ARFGAP2: variants seen among roughly 807,000 people sequenced by gnomAD.
ARFGAP2 encodes ADP-ribosylation factor GTPase-activating protein 2.
In ARFGAP2, 45 loss-of-function variants were observed where a neutral mutation model predicts 71.9. The ratio of observed to expected loss-of-function variants is 0.63; its 90% CI spans 0.49 to 0.80. ARFGAP2 has a LOEUF of 0.80. ARFGAP2 is among the 30% of genes least tolerant of loss of function. ARFGAP2 has a pLI of 0.00. For missense variants in ARFGAP2, 633 were observed against 673.9 expected, an observed-to-expected ratio of 0.94 and a Z score of 0.67; for synonymous variants, 248 against 249.2, an observed-to-expected ratio of 1.00 and a Z score of 0.05.
chr11:47,165,519 A>T lies in ARFGAP2; in HGVS notation c.1546-17T>A. On this transcript the variant is annotated splice_polypyrimidine_tract_variant and intron_variant, in intron 15 of 15. Transcript: ENST00000524782. ...GTAGCGATCCTGGGGGCGAGGGGGG[A>T]GAAAAAAAAAAAAAAAGTCAGAGGC... The T allele has an allele frequency of 6.7e-7, 1 of 1,499,500 alleles. No homozygotes were observed. The allele number at this position is 1,499,500 out of a possible 1,614,324, so 92.9% of individuals were successfully genotyped here. A position where few individuals can be genotyped will look rare whatever the true frequency, so the allele number is the denominator to read the frequency against.
chr11:47,170,837 T>G (rs903643075), intron 10 of ARFGAP2, among the ~76,000 whole-genome samples: 3 of 151,880 alleles, frequency 2.0e-5, no homozygotes, highest in Admixed American at 6.6e-5. Context: ...TCCCAGCTAT[T>G]TGGGAGGCTG....
At chr11:47,173,344 G>T in intron 7 of ARFGAP2, 82 bp downstream of exon 7, 1 of 1,483,462 alleles carries the variant, frequency 6.7e-7, no homozygotes, top group Non-Finnish European at 9.2e-7. Context: ...TGTCCACACG[G>T]CCAGGCAGTA....
intron 10 of ARFGAP2, among the ~76,000 whole-genome samples, chr11:47,170,891 A>G (rs1216001809): frequency 1.3e-5 from 2 of 152,128 alleles, no homozygotes; most frequent in African/African-American, 4.8e-5. Flanking sequence ...GGTTGCAGTG[A>G]GCTGAGATCA....
chr11:47,166,513 G>A lies in ARFGAP2; in HGVS notation c.1419C>T (p.His473=), dbSNP rs190715442. ...SDLFGDMDGA[H]GAGSVSLGNV... ...ACCCCACCAGGGCCCTACCTGCTCC[G>A]TGAGCTCCATCCATGTCCCCAAAGA... The change falls in exon 14 of 16, where the codon CAC becomes CAT. Residue 473 remains histidine (H), a synonymous_variant. Transcript: ENST00000524782. 76 of 1,612,750 alleles carry A rather than the reference G, an allele frequency of 4.7e-5. No homozygotes were observed. The highest frequency in any genetic ancestry group is 8.3e-5 in the Admixed American group (5 of 60,020).
At chr11:47,176,079 A>T in intron 2 of ARFGAP2, 156 bp from the exon 3 acceptor site, 1 of 676,452 alleles carries the variant, frequency 1.5e-6, no homozygotes, top group South Asian at 1.8e-5. Context: ...GTCCATGAAA[A>T]CTCTCCTCTT....
Position 47,166,876 on chromosome 11 carries a change from G to T in ARFGAP2, c.1216C>A (p.Arg406=). The T allele has an allele frequency of 6.2e-7, 1 of 1,613,548 alleles. No individual in the cohort carries two copies. Among genetic ancestry groups the T allele is most frequent in the Admixed American group, 1.7e-5 (1 of 60,002 alleles). Residue 406 remains arginine, a synonymous_variant, in exon 13 of 16, where the codon CGG becomes AGG. Coordinates refer to ENST00000524782, the MANE Select transcript of ARFGAP2 (RefSeq NM_032389.6). ...GAGCTCCGGCTCTCCACTTCCCTCC[G>T]GTTTGTGGCTCTGAGGGGAAGATGT... The part of the protein sequence containing the change: ...IRPISERATN[R]REVESRSSGL...
intron 2 of ARFGAP2, 129 bp from the exon 3 acceptor site, chr11:47,176,052 T>C: frequency 1.2e-6 from 1 of 823,766 alleles, no homozygotes; most frequent in Non-Finnish European, 2.0e-6. Flanking sequence ...ATCACCCCAT[T>C]TCCTCCACAC....
chr11:47,165,608 G>A (rs1203586918), intron 15 of ARFGAP2, 106 bp from the exon 16 acceptor site: 2 of 1,289,032 alleles, frequency 1.6e-6, no homozygotes, highest in Non-Finnish European at 2.1e-6. Flanking sequence ...GCAAGACTGG[G>A]GAGGCAGGGG....
rs1255928419 is a variant in ARFGAP2, at chr11:47,165,401, A to G, written c.*81T>C. ...AAGTAACAAATCCTCCCCAGCTTCC[A>G]CAAGGCAAAGCATCCCCAGCCTGGG... On this transcript the variant is annotated 3_prime_UTR_variant, in exon 16 of 16. Coordinates refer to ENST00000524782, the MANE Select transcript of ARFGAP2 (RefSeq NM_032389.6). 6.6e-7 allele frequency: 1 copy of G among 1,513,268 alleles called. No homozygotes were observed. The highest frequency in any genetic ancestry group is 2.4e-5 in the East Asian group (1 of 41,738). 93.7% of individuals were successfully genotyped at this position (1,513,268 alleles called of 1,614,324 possible). A position where few individuals can be genotyped will look rare whatever the true frequency, so the allele number is the denominator to read the frequency against.
chr11:47,168,268 A>G lies in ARFGAP2; in HGVS notation c.942-17T>C. 1 of 1,613,836 alleles carries G rather than the reference A, an allele frequency of 6.2e-7. No homozygotes were observed. The highest frequency in any genetic ancestry group is 8.5e-7 in the Non-Finnish European group (1 of 1,179,982). ...GAGACAGAGCTGCGCAGCAAAGCAG[A>G]GCCAGGCATGAGACCAAAGGATAGG... On this transcript the variant is annotated splice_polypyrimidine_tract_variant and intron_variant, in intron 10 of 15. Coordinates refer to ENST00000524782, the MANE Select transcript of ARFGAP2 (RefSeq NM_032389.6).
At position 47,175,845 on chromosome 11, in the gene ARFGAP2, C is replaced by A; in HGVS notation, c.264+6G>T. ...TGGAAGGTGAGGGAAGTAGAAGGAG[C>A]TTTACCGCATTGGCATTCCCGCCGA... is the stretch of plus-strand genomic sequence containing the variant. On this transcript the variant is annotated splice_donor_region_variant and intron_variant, in intron 3 of 15. Transcript: ENST00000524782. The A allele has an allele frequency of 6.2e-7, 1 of 1,614,158 alleles. No homozygotes were observed. The highest frequency in any genetic ancestry group is 8.5e-7 in the Non-Finnish European group (1 of 1,180,030).
intron 6 of ARFGAP2, 126 bp downstream of exon 6, chr11:47,173,633 G>T: frequency 7.0e-7 from 1 of 1,422,186 alleles, no homozygotes; most frequent in East Asian, 2.5e-5. Flanking sequence ...GGATTAAAAT[G>T]AATCCCGGCC....
chr11:47,173,192 G>A, intron 7 of ARFGAP2: 2 of 557,610 alleles, frequency 3.6e-6, no homozygotes, highest in South Asian at 3.9e-5. Context: ...CACACTCAGA[G>A]GCAGACCCCA....
intron 5 of ARFGAP2, chr11:47,174,102 T>A: frequency 3.5e-6 from 2 of 566,940 alleles, no homozygotes; most frequent in South Asian, 2.0e-5. Context: ...TACCACCACC[T>A]AGGCAGGCAC....
chr11:47,166,328 AC>A lies in ARFGAP2; in HGVS notation c.1484del (p.Gly495ValfsTer16). The A allele has an allele frequency of 6.2e-7, 1 of 1,614,172 alleles. No homozygotes were observed. The highest frequency in any genetic ancestry group is 1.3e-5 in the African/African-American group (1 of 75,034). On this transcript the variant is annotated frameshift_variant, in exon 15 of 16. Transcript: ENST00000524782. LOFTEE classifies it high-confidence loss of function. ...PTADIAQFKQGVKSVAGKMAV... is the reference protein window; with the variant it reads ...PTADIAQFKQXVKSVAGKMAV... ...CCATTTTCCCAGCCACAGACTTGAC[AC>A]CCTGCTTAAACTGGGCAATGTCCGC...
At position 47,175,205 on chromosome 11, in the gene ARFGAP2, C is replaced by A; in HGVS notation, c.373G>T (p.Ala125Ser). ...ACATCAGTGCCATGCCTAGCCAGGG[C>A]CGCACTCCCCAGCTGCCGGATCTTC... is the stretch of plus-strand genomic sequence containing the variant. ...REKIRQLGSAALARHGTDLWI... is the reference protein window; with the variant it reads ...REKIRQLGSASLARHGTDLWI... The change falls in exon 4 of 16, where the codon GCC (alanine) becomes TCC (serine). Residue 125 changes from alanine (A) to serine (S), a missense_variant. Physicochemically the swap from Ala to Ser is moderately conservative, Grantham distance 99. Transcript: ENST00000524782. 1 of 1,614,186 alleles carries A rather than the reference C, an allele frequency of 6.2e-7. No individual in the cohort carries two copies. Among genetic ancestry groups the A allele is most frequent in the Non-Finnish European group, 8.5e-7 (1 of 1,180,040 alleles).
Position 47,168,013 on chromosome 11 carries a change from T to C in ARFGAP2, c.1101A>G (p.Glu367=), listed in dbSNP as rs534679243. The C allele has an allele frequency of 3.1e-6, 5 of 1,614,168 alleles. No homozygotes were observed. The South Asian group carries it at 4.4e-5, about 14-fold the overall frequency. ...KYKDNPFSLG[E]SFGSRWDTDA... is the part of the protein sequence containing the mutation. Reference sequence around the variant, plus strand: ...CTGTATCCCAGCGGGAGCCAAAGCTTTCCCCTAAGGAAAAGGGATTGTCCT... The same window carrying C: ...CTGTATCCCAGCGGGAGCCAAAGCTCTCCCCTAAGGAAAAGGGATTGTCCT... Residue 367 remains glutamate (E), a synonymous_variant, in exon 12 of 16, where the codon GAA becomes GAG. Coordinates refer to ENST00000524782, the MANE Select transcript of ARFGAP2 (RefSeq NM_032389.6).
At position 47,176,774 on chromosome 11, in the gene ARFGAP2, T is replaced by G; in HGVS notation, c.72+8A>C. ...ACGAGAGACTCCGCGCGCCCCCTGC[T>G]CACGCACCTTGTTGGTTGGAACTGC... On this transcript the variant is annotated splice_region_variant and intron_variant, in intron 1 of 15. Coordinates refer to ENST00000524782, the MANE Select transcript of ARFGAP2 (RefSeq NM_032389.6). The G allele has an allele frequency of 6.2e-7, 1 of 1,614,060 alleles. No homozygotes were observed.
In ARFGAP2 at chr11:47,175,884, C is replaced by A; in HGVS notation, c.231G>T (p.Leu77=). 5 of 1,614,170 alleles carry A rather than the reference C, an allele frequency of 3.1e-6. No homozygotes were observed. The highest frequency in any genetic ancestry group is 4.2e-6 in the Non-Finnish European group (5 of 1,180,030). The part of the protein sequence containing the change: ...ELDSNWNWFQ[L]RCMQVGGNAN... ...CATTCCCGCCGACCTGCATACACCT[C>A]AGCTGGAACCAGTTCCAGTTGGAAT... The change falls in exon 3 of 16, where the codon CTG becomes CTT. Residue 77 remains leucine (L), a synonymous_variant. Transcript: ENST00000524782.
Sources: gnomAD v4.1 joint callset for allele counts (sites outside exome capture counted in the v4.1 genomes callset) on GRCh38, gnomAD v4.1.1 for gene constraint, MANE v1.5 for transcripts, NCBI Gene and HGNC (gene_info 2026-07-23, HGNC 2026-07-21) for gene names.